IARS2: variants seen among roughly 807,000 people sequenced by gnomAD.
IARS2 encodes isoleucyl-tRNA synthetase 2, mitochondrial, also known as isoleucine--tRNA ligase, mitochondrial.
IARS2 carries 56 observed loss-of-function variants against 126.3 expected under a neutral mutation model. The ratio of observed to expected loss-of-function variants is 0.44; its 90% confidence interval spans 0.36 to 0.55. The LOEUF is 0.55. Among genes scored for constraint, IARS2 ranks in the 20% least tolerant of loss-of-function variants. IARS2 has a pLI of 0.00. For missense variants in IARS2, 1,127 were observed against 1,245.9 expected (o/e 0.90, Z 1.44); for synonymous variants, 407 against 441.1 (o/e 0.92, Z 0.97).
intron 21 of IARS2, among the ~76,000 whole-genome samples, chr1:220,144,874 T>G (rs904087191): frequency 3.3e-5 from 5 of 152,196 alleles, no homozygotes; most frequent in African/African-American, 1.2e-4. Context: ...TTATTTCTCA[T>G]GGGCTTTAAT....
At chr1:220,124,526 A>G (rs574948733) in intron 12 of IARS2, among the ~76,000 whole-genome samples, 5 of 152,334 alleles carry the variant, frequency 3.3e-5, no homozygotes, top group African/African-American at 7.2e-5. Flanking sequence ...GAGGTGTTCA[A>G]TAGTTTCTGA....
intron 20 of IARS2, 146 bp downstream of exon 20, chr1:220,142,094 C>T: frequency 1.3e-6 from 1 of 751,708 alleles, no homozygotes; most frequent in South Asian, 1.8e-5. Flanking sequence ...GTATTTGTTT[C>T]TGCACCTATT....
chr1:220,122,090 C>CA (rs1158699539), intron 12 of IARS2, among the ~76,000 whole-genome samples: 1 of 151,838 alleles, frequency 6.6e-6, no homozygotes, highest in Non-Finnish European at 1.5e-5. Context: ...CACCTTGTCT[C>CA]AAAAAAATTA....
chr1:220,141,876 A>G lies in IARS2; in HGVS notation c.2488A>G (p.Ile830Val), dbSNP rs961332345. The change falls in exon 20 of 23, where the codon ATA (isoleucine) becomes GTA (valine). Residue 830 changes from isoleucine to valine, a missense_variant. Coordinates refer to ENST00000366922, the MANE Select transcript of IARS2 (RefSeq NM_018060.4). ...QTALVEILDV[I>V]VRSFAPILPH... ...TGCATTAGTTGAAATTTTGGATGTA[A>G]TAGTTCGTTCTTTTGCTCCCATTCT... 1.9e-6 allele frequency: 3 copies of G among 1,614,044 alleles called. No individual in the cohort carries two copies. The highest frequency in any genetic ancestry group is 2.5e-6 in the Non-Finnish European group (3 of 1,180,028).
intron 9 of IARS2, 85 bp from the exon 10 acceptor site, chr1:220,106,976 A>G (rs1380367017): frequency 4.4e-6 from 4 of 918,324 alleles, no homozygotes; most frequent in Non-Finnish European, 5.4e-6. Context: ...CTATACTGAG[A>G]TGTTTTTATA....
Position 220,106,038 on chromosome 1 carries a change from C to A in IARS2, c.1214C>A (p.Ala405Glu), listed in dbSNP as rs535505794. ...CATGGTATGGAAGACTACGGTGTAG[C>A]GTCTCAGCACAACCTGCCCATGGTA... Reference protein sequence around the residue: ...PAHGMEDYGVASQHNLPMDCL... With the variant: ...PAHGMEDYGVESQHNLPMDCL... The change falls in exon 9 of 23, where the codon GCG (alanine) becomes GAG (glutamate). Residue 405 changes from alanine to glutamate, a missense_variant. By Grantham distance (107) the Ala-to-Glu change is moderately radical (BLOSUM62 -1). Transcript: ENST00000366922. The A allele has an allele frequency of 1.2e-6, 2 of 1,613,500 alleles. No homozygotes were observed. The highest frequency in any genetic ancestry group is 2.2e-5 in the East Asian group (1 of 44,872).
At chr1:220,108,181 C>G (rs188155751) in intron 10 of IARS2, among the ~76,000 whole-genome samples, 31 of 151,484 alleles carry the variant, frequency 2.0e-4, no homozygotes, top group Admixed American at 4.6e-4. Flanking sequence ...TTGCCTCAGC[C>G]TCCCAAGTAG....
At chr1:220,102,910 A>T (rs1017161423) in intron 7 of IARS2, 133 bp downstream of exon 7, 1 of 636,292 alleles carries the variant, frequency 1.6e-6, no homozygotes, top group South Asian at 2.0e-5. Context: ...TTATGTTCAT[A>T]TAGATTTTAT....
At chr1:220,133,794 AG>A (rs1389031320) in intron 14 of IARS2, among the ~76,000 whole-genome samples, 4 of 152,180 alleles carry the variant, frequency 2.6e-5, no homozygotes, top group Non-Finnish European at 5.9e-5. Flanking sequence ...GTAGAGGAAA[AG>A]ATGCATCTTT....
intron 12 of IARS2, among the ~76,000 whole-genome samples, chr1:220,117,443 G>A (rs553178210): frequency 5.4e-4 from 82 of 151,420 alleles, no homozygotes; most frequent in African/African-American, 1.9e-3. Flanking sequence ...CAAGTGATCC[G>A]CCCGCCTCAG....
At chr1:220,142,691 ATTTTT>A (rs963837198) in intron 20 of IARS2, among the ~76,000 whole-genome samples, 1 of 151,856 alleles carries the variant, frequency 6.6e-6, no homozygotes, top group Admixed American at 6.6e-5. Context: ...ATTTCTATTT[ATTTTT>A]TTCTAAGCAT....
At chr1:220,128,576 CTA>C (rs1448125935) in intron 14 of IARS2, among the ~76,000 whole-genome samples, 1 of 152,120 alleles carries the variant, frequency 6.6e-6, no homozygotes, top group African/African-American at 2.4e-5. Flanking sequence ...CAATGCATGA[CTA>C]TGTATTGAAA....
chr1:220,096,423 A>G (rs1656441882), intron 2 of IARS2, among the ~76,000 whole-genome samples, 197 bp downstream of exon 2: 1 of 152,218 alleles, frequency 6.6e-6, no homozygotes, highest in African/African-American at 2.4e-5. Context: ...TTAACGTTAT[A>G]TTAGTAAACA....
chr1:220,133,016 CTTT>C (rs5781166), intron 14 of IARS2, among the ~76,000 whole-genome samples: 1 of 143,514 alleles, frequency 7.0e-6, no homozygotes, highest in Non-Finnish European at 1.5e-5. Flanking sequence ...TATTTCTTTT[CTTT>C]TTTTTTTTTG....
intron 9 of IARS2, among the ~76,000 whole-genome samples, chr1:220,106,630 CT>C (rs200435156): frequency 0.022 from 3,024 of 138,152 alleles, 36 homozygotes; most frequent in South Asian, 0.097. Flanking sequence ...CTTTTCTTTT[CT>C]TTTTTTTTTT....
chr1:220,120,069 GCTCT>G (rs1490640926), intron 12 of IARS2, among the ~76,000 whole-genome samples: 2 of 149,302 alleles, frequency 1.3e-5, no homozygotes, highest in Non-Finnish European at 3.0e-5. Flanking sequence ...TGTTTTCAAA[GCTCT>G]CTGTCACACT....
intron 19 of IARS2, among the ~76,000 whole-genome samples, chr1:220,141,129 C>T (rs1257444060): frequency 6.6e-6 from 1 of 152,074 alleles, no homozygotes; most frequent in Admixed American, 6.6e-5. Flanking sequence ...ATACTTACCT[C>T]GTGATTGAGA....
Position 220,147,556 on chromosome 1 carries a change from G to A in IARS2, c.2960G>A (p.Cys987Tyr). ...GTCATGCCGACTACGAAAGAAAAAT[G>A]CCCCCGTTGTTGGAAGTATACAGCG... is the stretch of plus-strand genomic sequence containing the variant. ...VIVMPTTKEKCPRCWKYTAES... is the reference protein window; with the variant it reads ...VIVMPTTKEKYPRCWKYTAES... The change falls in exon 23 of 23, where the codon TGC becomes TAC. Residue 987 changes from cysteine to tyrosine, a missense_variant. Cys to Tyr is a radical substitution (Grantham distance 194). Transcript: ENST00000366922. 1 of 1,614,102 alleles carries A rather than the reference G, an allele frequency of 6.2e-7. No homozygotes were observed. The highest frequency in any genetic ancestry group is 8.5e-7 in the Non-Finnish European group (1 of 1,179,978).
intron 10 of IARS2, among the ~76,000 whole-genome samples, chr1:220,109,429 A>C (rs1267354457): frequency 6.6e-6 from 1 of 152,002 alleles, no homozygotes; most frequent in African/African-American, 2.4e-5. Context: ...GCCAGCTCAC[A>C]GACTGTAGAG....
Sources: gnomAD v4.1 joint callset for allele counts (sites outside exome capture counted in the v4.1 genomes callset) on GRCh38, gnomAD v4.1.1 for gene constraint, MANE v1.5 for transcripts, NCBI Gene and HGNC (gene_info 2026-07-23, HGNC 2026-07-21) for gene names.